NIN: variants seen among roughly 807,000 people sequenced by gnomAD.
NIN encodes the protein glycogen synthase kinase 3 beta-interacting protein.
Under a neutral mutation model 257.6 loss-of-function variants are expected in NIN, and 137 were observed. That is an observed-to-expected ratio of 0.53 (90% CI 0.46 to 0.61). The LOEUF is 0.61. NIN is among the 20% of genes least tolerant of loss of function. The pLI, the probability that NIN is intolerant of heterozygous loss-of-function variation, is 0.00. For missense variants in NIN, 2,439 were observed against 2,501.2 expected (o/e 0.98, Z 0.53); for synonymous variants, 918 against 919.8 (o/e 1.00, Z 0.04).
chr14:50,725,705 T>C, intron 30 of NIN: 3 of 592,000 alleles, frequency 5.1e-6, no homozygotes, highest in Non-Finnish European at 8.8e-6. Context: ...TAAATCATGT[T>C]AGCAAAGATT....
rs771457443 is a variant in NIN, at chr14:50,752,749, A to G, written c.4735-16T>C. ...ATTCTGAAATCTAATTAAAATTAAA[A>G]TAAGTTTTTCAAACTTGTTACCCTA... is the stretch of plus-strand genomic sequence containing the variant. On this transcript the variant is annotated splice_polypyrimidine_tract_variant and intron_variant, in intron 20 of 30. Coordinates refer to ENST00000530997, the MANE Select transcript of NIN (RefSeq NM_020921.4). The G allele has an allele frequency of 3.3e-6, 5 of 1,496,194 alleles. No individual in the cohort carries two copies. Among genetic ancestry groups the G allele is most frequent in the Non-Finnish European group, 4.6e-6 (5 of 1,097,224 alleles). The allele number at this position is 1,496,194 out of a possible 1,614,324, so 92.7% of individuals were successfully genotyped here. A position where few individuals can be genotyped will look rare whatever the true frequency, so the allele number is the denominator to read the frequency against.
chr14:50,770,613 A>G, intron 11 of NIN, 51 bp from the exon 12 acceptor site: 2 of 1,584,154 alleles, frequency 1.3e-6, no homozygotes, highest in East Asian at 4.5e-5. Flanking sequence ...CAGAGGTCCC[A>G]GTATCAATCT....
intron 4 of NIN, among the ~76,000 whole-genome samples, chr14:50,795,030 T>C (rs1269392672): frequency 6.6e-6 from 1 of 152,246 alleles, no homozygotes; most frequent in Non-Finnish European, 1.5e-5. Flanking sequence ...ATTAAATTGT[T>C]TATTTCATTA....
rs2045240675 is a variant in NIN, at chr14:50,821,900, A to G, written c.157T>C (p.Leu53=). The change falls in exon 3 of 31, where the codon TTA becomes CTA. Residue 53 remains leucine (L), a synonymous_variant. Transcript: ENST00000530997. ...CTGCCCAAGAGGTTGTCCTGAAGTA[A>G]TGTCTGCTGCAGCACTGGGGCCACC... ...EEVAPVLQQT[L]LQDNLLGRVH... is the part of the protein sequence containing the mutation. 6.2e-7 allele frequency: 1 copy of G among 1,613,950 alleles called. No homozygotes were observed. The highest frequency in any genetic ancestry group is 1.3e-5 in the African/African-American group (1 of 74,914).
chr14:50,756,688 G>A lies in NIN; in HGVS notation c.4342C>T (p.Gln1448Ter). The change falls in exon 18 of 31, where the codon CAG (glutamine) becomes TAG (stop). Residue 1448 changes from glutamine to a stop codon, truncating the protein, a stop_gained. Transcript: ENST00000530997. LOFTEE classifies it high-confidence loss of function. ...AGTTCTAACTCTGCTATGGTGGCCT[G>A]ATGCTGAAAATGTTTGTCTTGAAAG... ...LGFQDKHFQH[Q>*]ATIAELELEK... is the part of the protein sequence containing the mutation. The A allele has an allele frequency of 1.3e-6, 2 of 1,551,774 alleles. No individual in the cohort carries two copies. The highest frequency in any genetic ancestry group is 1.4e-5 in the African/African-American group (1 of 73,174).
At chr14:50,781,906 G>C (rs2043148873) in intron 5 of NIN, among the ~76,000 whole-genome samples, 1 of 152,016 alleles carries the variant, frequency 6.6e-6, no homozygotes. Flanking sequence ...GTAGACCTGG[G>C]GAGGTATCTG....
At chr14:50,809,342 T>C (rs1270580615) in intron 3 of NIN, among the ~76,000 whole-genome samples, 1 of 152,180 alleles carries the variant, frequency 6.6e-6, no homozygotes, top group East Asian at 1.9e-4. Flanking sequence ...AGGGCCTGCC[T>C]TCTCCTCCAG....
intron 3 of NIN, among the ~76,000 whole-genome samples, chr14:50,818,045 C>T (rs1027603692): frequency 2.1e-4 from 32 of 149,838 alleles, no homozygotes; most frequent in African/African-American, 7.3e-4. Context: ...TGGATATGGC[C>T]GGGCACGATG....
Position 50,721,201 on chromosome 14 carries a change from A to G in NIN, c.*2262T>C. On this transcript the variant is annotated 3_prime_UTR_variant, in exon 31 of 31. Coordinates refer to ENST00000530997, the MANE Select transcript of NIN (RefSeq NM_020921.4). ...TCTCATAAGTGGGATAAAATGAGAA[A>G]TTAAGCACCTAGATGTTGGTTAAAT... is the stretch of plus-strand genomic sequence containing the variant. The G allele has an allele frequency of 4.9e-6, 1 of 202,774 alleles. No homozygotes were observed. The highest frequency in any genetic ancestry group is 2.3e-5 in the African/African-American group (1 of 43,750). The allele number at this position is 202,774 out of a possible 1,614,324, so 12.6% of individuals were successfully genotyped here.
intron 4 of NIN, among the ~76,000 whole-genome samples, chr14:50,802,865 T>C (rs930514786): frequency 6.6e-6 from 1 of 152,238 alleles, no homozygotes; most frequent in Admixed American, 6.5e-5. Context: ...TTCTATATTA[T>C]AGTCTGGTGC....
At chr14:50,790,613 C>T (rs1336971002) in intron 5 of NIN, among the ~76,000 whole-genome samples, 1 of 152,116 alleles carries the variant, frequency 6.6e-6, no homozygotes, top group Non-Finnish European at 1.5e-5. Flanking sequence ...ATGACCCTCT[C>T]CGGGCCTCTA....
intron 30 of NIN, 127 bp downstream of exon 30, chr14:50,725,826 C>G: frequency 6.5e-7 from 1 of 1,541,130 alleles, no homozygotes; most frequent in Non-Finnish European, 8.8e-7. Flanking sequence ...TTCTTACAGA[C>G]ATTTATAATA....
chr14:50,779,650 C>T (rs1470847166), intron 5 of NIN, among the ~76,000 whole-genome samples: 5 of 151,536 alleles, frequency 3.3e-5, no homozygotes, highest in East Asian at 1.9e-4. Context: ...CCCAGCTACT[C>T]GGGAGGCTGA....
At chr14:50,749,491 T>C (rs1199428814) in intron 21 of NIN, among the ~76,000 whole-genome samples, 1 of 152,208 alleles carries the variant, frequency 6.6e-6, no homozygotes, top group African/African-American at 2.4e-5. Context: ...TTTGAGACTA[T>C]ACAAATTCTA....
chr14:50,819,882 A>T (rs1028662863), intron 3 of NIN, among the ~76,000 whole-genome samples: 6 of 152,318 alleles, frequency 3.9e-5, no homozygotes, highest in African/African-American at 1.2e-4. Flanking sequence ...TAATTTTACA[A>T]CTATAATCCC....
intron 3 of NIN, among the ~76,000 whole-genome samples, chr14:50,810,083 T>G (rs1016271204): frequency 6.6e-6 from 1 of 151,826 alleles, no homozygotes; most frequent in Non-Finnish European, 1.5e-5. Flanking sequence ...CACAAAAAAT[T>G]AGCTGGGCGT....
chr14:50,738,138 A>G lies in NIN; in HGVS notation c.5775+2T>C. 6.2e-7 allele frequency: 1 copy of G among 1,613,816 alleles called. No homozygotes were observed. Among genetic ancestry groups the G allele is most frequent in the Non-Finnish European group, 8.5e-7 (1 of 1,179,886 alleles). On this transcript the variant is annotated splice_donor_variant, in intron 27 of 30. Transcript: ENST00000530997. LOFTEE classifies it high-confidence loss of function. ...GTACGCCATATATTCTCAAAAACTC[A>G]CCTTCCTGTTAGCAGGAGATTGTTC...
chr14:50,779,620 A>T (rs1251959967), intron 5 of NIN, among the ~76,000 whole-genome samples: 1 of 152,056 alleles, frequency 6.6e-6, no homozygotes. Flanking sequence ...TAGCCAGGCG[A>T]GGTGGCGGGT....
intron 10 of NIN, 39 bp downstream of exon 10, chr14:50,771,293 G>T: frequency 6.2e-7 from 1 of 1,606,544 alleles, no homozygotes; most frequent in Non-Finnish European, 8.5e-7. Context: ...GGACAAGTAG[G>T]AAAGGGAATG....
Sources: allele counts gnomAD v4.1 joint callset (sites outside exome capture counted in the v4.1 genomes callset), GRCh38; gene constraint gnomAD v4.1.1; transcripts MANE v1.5; gene names NCBI Gene and HGNC (gene_info 2026-07-23, HGNC 2026-07-21).